The following NHSL2 variants were observed in gnomAD, a reference collection of about 807,000 sequenced individuals.
The protein encoded by NHSL2 is NHS-like protein 2.
A neutral mutation model predicts 53.4 loss-of-function variants in NHSL2; 27 were observed. That is an observed-to-expected ratio of 0.51 (90% CI 0.37 to 0.70). The LOEUF is 0.70. Ranked by LOEUF, NHSL2 falls within the 30% of genes least tolerant of loss-of-function variation. The pLI, the probability that NHSL2 is intolerant of heterozygous loss-of-function variation, is 0.00. For synonymous variants in NHSL2, 408 were observed against 404.1 expected (o/e 1.01, Z -0.12); for missense variants, 892 against 980.1 (o/e 0.91, Z 1.20).
At chrX:71,939,476 C>T (rs191058084) in intron 1 of NHSL2, among the ~76,000 whole-genome samples, 1 of 112,018 alleles carries the variant, frequency 8.9e-6, no homozygotes, top group East Asian at 2.8e-4. Flanking sequence ...ATCTCAGGCA[C>T]ATTTAGAAGA....
Position 72,144,660 on chromosome X carries a change from C to T in NHSL2, c.*1086C>T. 1.6e-6 allele frequency: 1 copy of T among 609,275 alleles called. No individual in the cohort carries two copies. Among genetic ancestry groups the T allele is most frequent in the Non-Finnish European group, 2.4e-6 (1 of 408,216 alleles). The allele number at this position is 609,275 out of a possible 1,213,427, so 50.2% of individuals were successfully genotyped here. ...GAACATATAAACTAAAAGGATCTATCCAAAATCTAAAAGGCAGTCTTGCCA... is the reference window on the plus strand; with the variant it reads ...GAACATATAAACTAAAAGGATCTATTCAAAATCTAAAAGGCAGTCTTGCCA... On this transcript the variant is annotated 3_prime_UTR_variant, in exon 8 of 8. Transcript: ENST00000633930.
chrX:71,980,563 GTGTGGGGTGTGTGTGTGT>G (rs1569468951), intron 1 of NHSL2, among the ~76,000 whole-genome samples: 54 of 5,977 alleles, frequency 9.0e-3, no homozygotes, highest in African/African-American at 0.011. Flanking sequence ...TGTGTGGGGT[GTGTGGGGTGTGTGTGTGT>G]GTGTGTGTGT....
At chrX:72,044,875 C>G in intron 1 of NHSL2, 1 of 907,849 alleles carries the variant, frequency 1.1e-6, no homozygotes, top group Non-Finnish European at 1.6e-6. Flanking sequence ...CCCACGTCCC[C>G]CACCAAAGCC....
chrX:72,150,332 C>T lies in NHSL2; in HGVS notation c.*6758C>T, dbSNP rs1371406387. 6.3e-5 allele frequency: 7 copies of T among 111,872 alleles called. No individual in the cohort carries two copies. The highest frequency in any genetic ancestry group is 2.3e-4 in the African/African-American group (7 of 30,798). The allele number at this position is 111,872 out of a possible 1,213,427, so 9.2% of individuals were successfully genotyped here. Reference sequence around the variant, plus strand: ...AACCGAGATTCCTCTTGTCATTGTCCCATAATGTCTCTACTTTTTTTAGTG... The same window carrying T: ...AACCGAGATTCCTCTTGTCATTGTCTCATAATGTCTCTACTTTTTTTAGTG... On this transcript the variant is annotated 3_prime_UTR_variant, in exon 8 of 8. Coordinates refer to ENST00000633930, the MANE Select transcript of NHSL2 (RefSeq NM_001013627.3).
At chrX:71,977,476 C>CA (rs1032006038) in intron 1 of NHSL2, among the ~76,000 whole-genome samples, 7 of 103,326 alleles carry the variant, frequency 6.8e-5, no homozygotes, top group Non-Finnish European at 1.2e-4. Context: ...GGCTGGAGTG[C>CA]AGTGGCACAA....
intron 1 of NHSL2, among the ~76,000 whole-genome samples, chrX:71,963,974 C>CATACAT (rs2041881840): frequency 2.1e-5 from 1 of 47,968 alleles, no homozygotes; most frequent in Non-Finnish European, 3.4e-5. Flanking sequence ...TATATATATA[C>CATACAT]ATATATATAT....
intron 1 of NHSL2, among the ~76,000 whole-genome samples, chrX:72,051,225 A>G (rs959903109): frequency 8.9e-6 from 1 of 112,009 alleles, no homozygotes; most frequent in Admixed American, 9.4e-5. Flanking sequence ...AATAAAATTG[A>G]TTTCTTAATC....
At chrX:72,084,620 C>T (rs1341541263) in intron 1 of NHSL2, among the ~76,000 whole-genome samples, 2 of 111,972 alleles carry the variant, frequency 1.8e-5, no homozygotes, top group Non-Finnish European at 3.8e-5. Flanking sequence ...GGTAGCTGGG[C>T]ACTTCCCAAA....
At chrX:72,022,605 G>T (rs2042165279) in intron 1 of NHSL2, among the ~76,000 whole-genome samples, 1 of 110,926 alleles carries the variant, frequency 9.0e-6, no homozygotes, top group South Asian at 3.8e-4. Context: ...CATCATGAGG[G>T]ATCCACCCTC....
At chrX:71,963,417 T>G (rs1189129451) in intron 1 of NHSL2, among the ~76,000 whole-genome samples, 1 of 111,411 alleles carries the variant, frequency 9.0e-6, no homozygotes, top group East Asian at 2.8e-4. Context: ...ATGGCAAATG[T>G]AAACTCAATT....
At position 72,108,274 on chromosome X, in the gene NHSL2, C is replaced by T. The variant is rs757697009; in HGVS notation, c.281-23805C>T. On this transcript the variant is annotated intron_variant, in intron 1 of 7. Coordinates refer to ENST00000633930, the MANE Select transcript of NHSL2 (RefSeq NM_001013627.3). ...GGAGCATTTGCAGTACTTGCCCTTA[C>T]ATTAACTCACCCCAGCCTCAAAGTC... Among the ~76,000 whole-genome samples, 7 of 112,400 alleles carry T rather than the reference C, an allele frequency of 6.2e-5. No homozygotes were observed. In the East Asian group the frequency reaches 1.1e-3, roughly 18 times the overall value.
intron 1 of NHSL2, among the ~76,000 whole-genome samples, chrX:71,932,347 A>G (rs984294577): frequency 9.1e-6 from 1 of 109,995 alleles, no homozygotes. Flanking sequence ...AAAGAGCAGC[A>G]TGAGATGAGG....
intron 1 of NHSL2, among the ~76,000 whole-genome samples, chrX:72,054,813 T>C (rs1302334405): frequency 2.7e-5 from 3 of 111,501 alleles, no homozygotes; most frequent in African/African-American, 9.8e-5. Flanking sequence ...CCTCACCCCA[T>C]TTGAGTTCTT....
intron 1 of NHSL2, among the ~76,000 whole-genome samples, chrX:72,097,664 C>A (rs901667803): frequency 3.8e-4 from 42 of 111,738 alleles, no homozygotes; most frequent in African/African-American, 1.3e-3. Context: ...CTGCTGAGAC[C>A]TCTTGTCTTT....
intron 1 of NHSL2, chrX:72,127,913 G>A (rs1297139954): frequency 8.9e-6 from 1 of 112,744 alleles, no homozygotes; most frequent in Non-Finnish European, 1.9e-5. Context: ...ACAAGACATA[G>A]CAAGAACACA....
intron 1 of NHSL2, among the ~76,000 whole-genome samples, chrX:72,089,971 C>T (rs2041882599): frequency 2.7e-5 from 3 of 111,836 alleles, no homozygotes; most frequent in African/African-American, 6.5e-5. Context: ...CAGTGGGGCT[C>T]ATATCATCCC....
intron 1 of NHSL2, among the ~76,000 whole-genome samples, chrX:71,959,506 G>A (rs1359685186): frequency 2.7e-5 from 3 of 111,565 alleles, no homozygotes; most frequent in Non-Finnish European, 3.8e-5. Context: ...CAATTTAATG[G>A]TTTTTATTAT....
chrX:71,972,572 C>G (rs1326613647), intron 1 of NHSL2, among the ~76,000 whole-genome samples: 3 of 112,191 alleles, frequency 2.7e-5, no homozygotes, highest in Non-Finnish European at 5.6e-5. Context: ...TTCATTATTT[C>G]AGCAACTGTG....
At chrX:71,962,442 A>G (rs747248419) in intron 1 of NHSL2, among the ~76,000 whole-genome samples, 14 of 110,673 alleles carry the variant, frequency 1.3e-4, no homozygotes, top group Admixed American at 3.9e-4. Flanking sequence ...CTGATCTTGG[A>G]CTTTTCTTTA....
Sources: allele counts gnomAD v4.1 joint callset (sites outside exome capture counted in the v4.1 genomes callset), GRCh38; gene constraint gnomAD v4.1.1; transcripts MANE v1.5; gene names NCBI Gene and HGNC (gene_info 2026-07-23, HGNC 2026-07-21).